CACNA1B: variants seen among roughly 807,000 people sequenced by gnomAD.
CACNA1B encodes the protein calcium voltage-gated channel subunit alpha1 B.
Under a neutral mutation model 247.2 loss-of-function variants are expected in CACNA1B, and 70 were observed. The ratio of observed to expected loss-of-function variants is 0.28; its 90% CI spans 0.23 to 0.35. The LOEUF is 0.35. CACNA1B is among the 10% of genes least tolerant of loss of function. CACNA1B has a pLI of 1.00. For synonymous variants in CACNA1B, 1,231 were observed against 1,294.4 expected (o/e 0.95, Z 1.05); for missense variants, 2,367 against 3,197.4 (o/e 0.74, Z 6.26).
At chr9:137,928,715 CATT>C (rs1279324875) in intron 6 of CACNA1B, among the ~76,000 whole-genome samples, 1 of 152,148 alleles carries the variant, frequency 6.6e-6, no homozygotes, top group East Asian at 1.9e-4. Flanking sequence ...GTGCAGCCAT[CATT>C]GTTATCTAAT....
At position 138,012,714 on chromosome 9, in the gene CACNA1B, T is replaced by TA. The variant is rs1234995951; in HGVS notation, c.2161-401dup. On this transcript the variant is annotated intron_variant, in intron 17 of 46. Transcript: ENST00000371372. The surrounding 1 kb of genome is among the most constrained non-coding windows in gnomAD (Gnocchi z 4.2). ...GGGTGACAGAGCGAGACCCTGTCTCTAAAAAAAAAAAAAACAAATAACAAA... is the reference window on the plus strand; with the variant it reads ...GGGTGACAGAGCGAGACCCTGTCTCTAAAAAAAAAAAAAAACAAATAACAAA... Among the ~76,000 whole-genome samples the TA allele has an allele frequency of 0.013, 1,704 of 132,414 alleles. 21 individuals carry two copies. Among genetic ancestry groups the TA allele is most frequent in the African/African-American group, 0.039 (1,400 of 35,902 alleles). 86.9% of individuals were successfully genotyped at this position (132,414 alleles called of 152,430 possible). A position where few individuals can be genotyped will look rare whatever the true frequency, so the allele number is the denominator to read the frequency against.
chr9:138,110,990 A>C (rs550407840), intron 39 of CACNA1B, among the ~76,000 whole-genome samples: 1 of 152,176 alleles, frequency 6.6e-6, no homozygotes, highest in African/African-American at 2.4e-5. Context: ...AAAAAAAAAA[A>C]ACCACAACGA....
At chr9:137,976,689 A>G (rs1177133011) in intron 12 of CACNA1B, among the ~76,000 whole-genome samples, 1 of 140,336 alleles carries the variant, frequency 7.1e-6, no homozygotes, top group Non-Finnish European at 1.5e-5. Context: ...GCAGTCTGAG[A>G]ATTACCAACT....
chr9:138,088,194 C>A (rs956440028), intron 36 of CACNA1B, among the ~76,000 whole-genome samples: 1 of 151,894 alleles, frequency 6.6e-6, no homozygotes, highest in Non-Finnish European at 1.5e-5. Context: ...CATGGTGAAA[C>A]CCCATCTCTA....
chr9:138,014,997 G>A lies in CACNA1B; in HGVS notation c.2267+1762G>A, dbSNP rs567969903. On this transcript the variant is annotated intron_variant, in intron 18 of 46. Transcript: ENST00000371372. The surrounding 1 kb of genome is among the most constrained non-coding windows in gnomAD (Gnocchi z 6.2). ...GGCATCCTTGGGCACAGTGTACATC[G>A]ACACCACCTGTTGGCCTGAGCACCA... Among the ~76,000 whole-genome samples the A allele has an allele frequency of 2.0e-5, 3 of 152,262 alleles. No individual in the cohort carries two copies. The South Asian group carries it at 6.2e-4, about 32-fold the overall frequency.
intron 20 of CACNA1B, among the ~76,000 whole-genome samples, chr9:138,027,610 G>T (rs1221652337): frequency 6.6e-6 from 1 of 152,100 alleles, no homozygotes; most frequent in African/African-American, 2.4e-5. Context: ...GTAAAATTAT[G>T]TTGTGGTATC....
intron 37 of CACNA1B, among the ~76,000 whole-genome samples, chr9:138,098,130 T>C (rs1961118736): frequency 6.6e-6 from 1 of 152,204 alleles, no homozygotes; most frequent in Non-Finnish European, 1.5e-5. Context: ...GACGTAGAGA[T>C]TGTCTGTGTT....
intron 6 of CACNA1B, among the ~76,000 whole-genome samples, chr9:137,931,232 G>A (rs1564194934): frequency 6.6e-6 from 1 of 151,768 alleles, no homozygotes; most frequent in Non-Finnish European, 1.5e-5. Flanking sequence ...TGTGGGATCG[G>A]GCTCGCGTAA....
rs1962163631 is a variant in CACNA1B, at chr9:138,123,329, G to A, written c.*1330G>A. On this transcript the variant is annotated 3_prime_UTR_variant, in exon 47 of 47. Coordinates refer to ENST00000371372, the MANE Select transcript of CACNA1B (RefSeq NM_000718.4). ...GCACTGTCCTGGCGCCAGACACAGG[G>A]AGCAGGCAGTCAAGTGAGGTCTGAC... 1 of 152,348 alleles carries A rather than the reference G, an allele frequency of 6.6e-6. No individual in the cohort carries two copies. The highest frequency in any genetic ancestry group is 2.4e-5 in the African/African-American group (1 of 41,472). 9.4% of individuals were successfully genotyped at this position (152,348 alleles called of 1,614,324 possible).
In CACNA1B at chr9:137,899,480, T is replaced by C. The variant is rs974498504; in HGVS notation, c.531-13700T>C. On this transcript the variant is annotated intron_variant, in intron 3 of 46. Coordinates refer to ENST00000371372, the MANE Select transcript of CACNA1B (RefSeq NM_000718.4). This position sits in a 1 kb window ranked among gnomAD's most constrained non-coding sequence, Gnocchi z 5.0. ...TTGTAGTAATGGCTCACCGCTGTCG[T>C]GTGTGTGCTTGGGGTTGGGGTTCCC... Among the ~76,000 whole-genome samples the C allele has an allele frequency of 6.6e-6, 1 of 152,172 alleles. No homozygotes were observed. Among genetic ancestry groups the C allele is most frequent in the African/African-American group, 2.4e-5 (1 of 41,442 alleles).
rs1276645993 is a variant in CACNA1B, at chr9:138,062,116, CACCT to C, written c.4668+2381_4668+2384del. ...TCCCAAGGCCCATCTGTCTGCCTCT[CACCT>C]AGACCTTGTTCCCTCCAGGATCCTG... is the stretch of plus-strand genomic sequence containing the variant. On this transcript the variant is annotated intron_variant, in intron 31 of 46. Transcript: ENST00000371372. Among the ~76,000 whole-genome samples, 4 of 152,218 alleles carry C rather than the reference CACCT, an allele frequency of 2.6e-5. No homozygotes were observed. In the East Asian group the frequency reaches 7.7e-4, roughly 29 times the overall value.
At position 138,058,818 on chromosome 9, in the gene CACNA1B, T is replaced by C; in HGVS notation, c.4473+85T>C. The C allele has an allele frequency of 7.9e-7, 1 of 1,266,978 alleles. No individual in the cohort carries two copies. Among genetic ancestry groups the C allele is most frequent in the East Asian group, 2.5e-5 (1 of 39,574 alleles). 78.5% of individuals were successfully genotyped at this position (1,266,978 alleles called of 1,614,324 possible). A position where few individuals can be genotyped will look rare whatever the true frequency, so the allele number is the denominator to read the frequency against. On this transcript the variant is annotated intron_variant, in intron 29 of 46. Coordinates refer to ENST00000371372, the MANE Select transcript of CACNA1B (RefSeq NM_000718.4). This position sits in a 1 kb window ranked among gnomAD's most constrained non-coding sequence, Gnocchi z 4.7. Reference sequence around the variant, plus strand: ...GAGGCTGAGTGGAGAGTCAGCCTTCTTCCTCCCTGCATGAGCCAAAGCAGT... The same window carrying C: ...GAGGCTGAGTGGAGAGTCAGCCTTCCTCCTCCCTGCATGAGCCAAAGCAGT...
chr9:137,925,870 G>A lies in CACNA1B; in HGVS notation c.966+8439G>A, dbSNP rs138564577. Among the ~76,000 whole-genome samples the A allele has an allele frequency of 3.3e-4, 50 of 149,996 alleles. No homozygotes were observed. The East Asian group carries it at 9.6e-3, about 29-fold the overall frequency. ...CCATTCTCCTACCTCAGCCTCCGGA[G>A]TAGCTGGGACTACAGGCACGCGCCA... On this transcript the variant is annotated intron_variant, in intron 6 of 46. Coordinates refer to ENST00000371372, the MANE Select transcript of CACNA1B (RefSeq NM_000718.4).
chr9:137,911,607 C>G (rs551690789), intron 3 of CACNA1B, among the ~76,000 whole-genome samples: 1 of 152,042 alleles, frequency 6.6e-6, no homozygotes, highest in Non-Finnish European at 1.5e-5. Context: ...TTTGTAGAGA[C>G]GGGGTTTCAC....
chr9:138,115,475 A>AGAGCCC (rs1961819635), intron 41 of CACNA1B, 77 bp from the exon 42 acceptor site: 2 of 1,478,814 alleles, frequency 1.4e-6, no homozygotes, highest in South Asian at 2.6e-5. Flanking sequence ...GCCCCATGCC[A>AGAGCCC]CATGGTCAGA....
Position 138,058,798 on chromosome 9 carries a change from T to A in CACNA1B, c.4473+65T>A. 1.4e-6 allele frequency: 2 copies of A among 1,440,900 alleles called. No homozygotes were observed. The highest frequency in any genetic ancestry group is 1.9e-6 in the Non-Finnish European group (2 of 1,051,520). The allele number at this position is 1,440,900 out of a possible 1,614,324, so 89.3% of individuals were successfully genotyped here. ...AGGGATTGGGATCTAACCCTGAGGC[T>A]GAGTGGAGAGTCAGCCTTCTTCCTC... On this transcript the variant is annotated intron_variant, in intron 29 of 46. Transcript: ENST00000371372. This position sits in a 1 kb window ranked among gnomAD's most constrained non-coding sequence, Gnocchi z 4.7.
chr9:137,962,600 G>C (rs1958032827), intron 10 of CACNA1B, among the ~76,000 whole-genome samples: 1 of 152,042 alleles, frequency 6.6e-6, no homozygotes, highest in Non-Finnish European at 1.5e-5. Context: ...GTTCTCATTA[G>C]TTTCAAAGAA....
intron 15 of CACNA1B, among the ~76,000 whole-genome samples, chr9:137,989,300 G>A (rs1342871718): frequency 6.6e-5 from 10 of 152,266 alleles, no homozygotes; most frequent in Non-Finnish European, 1.3e-4. Flanking sequence ...ACCGTACGCC[G>A]GGTGTGATCA....
rs536296657 is a variant in CACNA1B at position 138,050,422 on chromosome 9, C to T, written c.3710+1107C>T. Among the ~76,000 whole-genome samples, 5 of 152,320 alleles carry T rather than the reference C, an allele frequency of 3.3e-5. No individual in the cohort carries two copies. In the East Asian group the frequency reaches 7.7e-4, roughly 24 times the overall value. ...CCACCTGTGGCCACAGCCCGAGGAC[C>T]GGGGACATCGCGAGGCGCTCCCGGT... is the stretch of plus-strand genomic sequence containing the variant. On this transcript the variant is annotated intron_variant, in intron 24 of 46. Transcript: ENST00000371372. This position sits in a 1 kb window ranked among gnomAD's most constrained non-coding sequence, Gnocchi z 5.2.
Sources: allele counts gnomAD v4.1 joint callset (sites outside exome capture counted in the v4.1 genomes callset), GRCh38; gene constraint gnomAD v4.1.1; non-coding constraint Gnocchi (gnomAD v3.1); transcripts MANE v1.5; gene names NCBI Gene and HGNC (gene_info 2026-07-23, HGNC 2026-07-21).